Variants in PCDHGA3 observed in about 807,000 individuals in gnomAD.
PCDHGA3 encodes the protein protocadherin gamma-A3.
In PCDHGA3, 40 loss-of-function variants were observed where a neutral mutation model predicts 58.5. That is an observed-to-expected ratio of 0.68 (90% CI 0.53 to 0.89). The LOEUF (loss-of-function observed/expected upper bound fraction) is 0.89. Among genes scored for constraint, PCDHGA3 ranks in the 40% least tolerant of loss-of-function variants. The pLI, the probability that PCDHGA3 is intolerant of heterozygous loss-of-function variation, is 0.00. For missense variants in PCDHGA3, 1,223 were observed against 1,195.9 expected, an observed-to-expected ratio of 1.02 and a Z score of -0.33; for synonymous variants, 530 against 525.7, an observed-to-expected ratio of 1.01 and a Z score of -0.11.
At chr5:141,403,786 A>G (rs1317253233) in intron 1 of PCDHGA3, 1 of 1,613,848 alleles carries the variant, frequency 6.2e-7, no homozygotes, top group African/African-American at 1.3e-5. Flanking sequence ...GAAAAGTGGC[A>G]TACAAATTCT....
rs775104626 is a variant in PCDHGA3, at chr5:141,486,636, C to T, written c.2425-8171C>T. On this transcript the variant is annotated intron_variant, in intron 1 of 3. Transcript: ENST00000253812. This position sits in a 1 kb window ranked among gnomAD's most constrained non-coding sequence, Gnocchi z 5.0. ...TCTGACCCAGACTCTGGCTTGAATG[C>T]GCTTATCTCCTACTCACTCCTGGAG... 7 of 1,613,540 alleles carry T rather than the reference C, an allele frequency of 4.3e-6. No individual in the cohort carries two copies. The highest frequency in any genetic ancestry group is 1.3e-5 in the African/African-American group (1 of 74,926).
At chr5:141,495,923 T>G (rs1337381299) in intron 2 of PCDHGA3, among the ~76,000 whole-genome samples, 4 of 152,306 alleles carry the variant, frequency 2.6e-5, no homozygotes, top group South Asian at 2.1e-4. Context: ...TTTCTTTGTC[T>G]CTGTCTCTGG....
Position 141,431,548 on chromosome 5 carries a change from A to G in PCDHGA3, c.2425-63259A>G, listed in dbSNP as rs1357844542. 2 of 1,614,136 alleles carry G rather than the reference A, an allele frequency of 1.2e-6. No individual in the cohort carries two copies. Among genetic ancestry groups the G allele is most frequent in the Admixed American group, 1.7e-5 (1 of 60,030 alleles). On this transcript the variant is annotated intron_variant, in intron 1 of 3. Coordinates refer to ENST00000253812, the MANE Select transcript of PCDHGA3 (RefSeq NM_018916.4). This position sits in a 1 kb window ranked among gnomAD's most constrained non-coding sequence, Gnocchi z 4.8. ...TGGCCTTGGGCACGCAGCTGCTTGT[A>G]GTCAACGCTACCGACCCTGACGAAG... is the stretch of plus-strand genomic sequence containing the variant.
At chr5:141,462,144 G>A (rs984269848) in intron 1 of PCDHGA3, among the ~76,000 whole-genome samples, 1 of 152,042 alleles carries the variant, frequency 6.6e-6, no homozygotes, top group South Asian at 2.1e-4. Context: ...ATTTTTAGTA[G>A]AGATGGGGTT....
intron 1 of PCDHGA3, chr5:141,388,654 C>T (rs2091438371): frequency 3.1e-6 from 5 of 1,613,846 alleles, no homozygotes; most frequent in Non-Finnish European, 4.2e-6. Flanking sequence ...AACGTGTACC[C>T]GGGGACCACG....
intron 2 of PCDHGA3, among the ~76,000 whole-genome samples, chr5:141,504,288 G>GT (rs1175142876): frequency 6.6e-6 from 1 of 152,124 alleles, no homozygotes; most frequent in African/African-American, 2.4e-5. Context: ...ATCATTTCAT[G>GT]TTTTTTCAAC....
Position 141,407,977 on chromosome 5 carries a change from G to T in PCDHGA3, c.2424+61520G>T, listed in dbSNP as rs943554200. ...GTGCAGAGCAAGCGCTGACGCCGGG[G>T]ATCCGTCAGCCTCTGGCCTGGGATT... On this transcript the variant is annotated intron_variant, in intron 1 of 3. Coordinates refer to ENST00000253812, the MANE Select transcript of PCDHGA3 (RefSeq NM_018916.4). 65 of 747,656 alleles carry T rather than the reference G, an allele frequency of 8.7e-5. No individual in the cohort carries two copies. The African/African-American group carries it at 1.0e-3, about 12-fold the overall frequency. The allele number at this position is 747,656 out of a possible 1,614,324, so 46.3% of individuals were successfully genotyped here. A position where few individuals can be genotyped will look rare whatever the true frequency, so the allele number is the denominator to read the frequency against.
At chr5:141,435,214 A>C (rs1314928643) in intron 1 of PCDHGA3, among the ~76,000 whole-genome samples, 1 of 152,176 alleles carries the variant, frequency 6.6e-6, no homozygotes, top group Non-Finnish European at 1.5e-5. Flanking sequence ...AAGTGAATTT[A>C]CTTTCTTTCA....
At chr5:141,383,695 G>A (rs373055594) in intron 1 of PCDHGA3, 5 of 1,613,974 alleles carry the variant, frequency 3.1e-6, no homozygotes, top group Non-Finnish European at 3.4e-6. Flanking sequence ...CACGGTACAT[G>A]CTATCGACCT....
chr5:141,362,666 G>C, intron 1 of PCDHGA3: 1 of 1,321,002 alleles, frequency 7.6e-7, no homozygotes, highest in South Asian at 1.5e-5. Context: ...GGCCAATGTT[G>C]TGCCTTAATT....
intron 1 of PCDHGA3, chr5:141,398,400 C>T: frequency 6.8e-7 from 1 of 1,465,224 alleles, no homozygotes; most frequent in Non-Finnish European, 9.5e-7. Context: ...GCAGGCTAGA[C>T]AGGGAGGAGA....
At chr5:141,397,024 A>G (rs188506780) in intron 1 of PCDHGA3, among the ~76,000 whole-genome samples, 30 of 152,358 alleles carry the variant, frequency 2.0e-4, no homozygotes, top group African/African-American at 7.2e-4. Flanking sequence ...AAGGTTGACC[A>G]ATGTCCACAA....
chr5:141,361,722 G>T lies in PCDHGA3; in HGVS notation c.2424+15265G>T, dbSNP rs1055343952. 6 of 1,613,196 alleles carry T rather than the reference G, an allele frequency of 3.7e-6. No homozygotes were observed. Among genetic ancestry groups the T allele is most frequent in the Non-Finnish European group, 4.2e-6 (5 of 1,179,854 alleles). On this transcript the variant is annotated intron_variant, in intron 1 of 3. Coordinates refer to ENST00000253812, the MANE Select transcript of PCDHGA3 (RefSeq NM_018916.4). ...ATCATGAGCAGCTGCGCGCCTTCGA[G>T]CTCACACTGCAGGCCCGCGACCAGG...
At chr5:141,449,542 T>C (rs1379019468) in intron 1 of PCDHGA3, among the ~76,000 whole-genome samples, 2 of 142,482 alleles carry the variant, frequency 1.4e-5, no homozygotes, top group African/African-American at 5.3e-5. Context: ...TGAGCCGAGA[T>C]CGCACCACTG....
intron 1 of PCDHGA3, among the ~76,000 whole-genome samples, chr5:141,459,461 G>A (rs1217201752): frequency 6.6e-6 from 1 of 152,214 alleles, no homozygotes; most frequent in Non-Finnish European, 1.5e-5. Flanking sequence ...GGACATTTGA[G>A]TTGTGTCCAG....
chr5:141,482,350 G>A lies in PCDHGA3; in HGVS notation c.2425-12457G>A, dbSNP rs184055854. ...AGAATATCTACTTTGCAAACTTGTT[G>A]TGAGAGTGAAAAGTAATGCATATAA... On this transcript the variant is annotated intron_variant, in intron 1 of 3. Coordinates refer to ENST00000253812, the MANE Select transcript of PCDHGA3 (RefSeq NM_018916.4). Among the ~76,000 whole-genome samples the A allele has an allele frequency of 5.3e-5, 8 of 152,200 alleles. No individual in the cohort carries two copies. In the East Asian group the frequency reaches 1.4e-3, roughly 26 times the overall value.
At chr5:141,453,058 G>C (rs2098754889) in intron 1 of PCDHGA3, among the ~76,000 whole-genome samples, 2 of 152,076 alleles carry the variant, frequency 1.3e-5, no homozygotes, top group Admixed American at 1.3e-4. Flanking sequence ...TGCAGTTTTA[G>C]AGTTTTGCCA....
At chr5:141,365,637 G>A in intron 1 of PCDHGA3, 1 of 1,613,458 alleles carries the variant, frequency 6.2e-7, no homozygotes. Context: ...TCTACAGAAA[G>A]CCACATCCCC....
chr5:141,375,070 C>T (rs1399275208), intron 1 of PCDHGA3: 2 of 1,613,854 alleles, frequency 1.2e-6, no homozygotes, highest in Admixed American at 1.7e-5. Flanking sequence ...GTCTTCGAGA[C>T]AGAGCGAAAG....
Sources: allele counts gnomAD v4.1 joint callset (sites outside exome capture counted in the v4.1 genomes callset), GRCh38; gene constraint gnomAD v4.1.1; non-coding constraint Gnocchi (gnomAD v3.1); transcripts MANE v1.5; gene names NCBI Gene and HGNC (gene_info 2026-07-23, HGNC 2026-07-21).